Variants in SYT16 observed in about 807,000 individuals in gnomAD.
SYT16 encodes synaptotagmin-16.
Under a neutral mutation model 61.4 loss-of-function variants are expected in SYT16, and 42 were observed. That is an observed-to-expected ratio of 0.68 (90% CI 0.53 to 0.89). SYT16 has a LOEUF of 0.89. Among genes scored for constraint, SYT16 ranks in the 40% least tolerant of loss-of-function variants. The probability of loss-of-function intolerance (pLI) is 0.00; values close to 1 mark genes in which losing one functional copy is unlikely to be tolerated. For synonymous variants in SYT16, 314 were observed against 302.3 expected (o/e 1.04, Z -0.40); for missense variants, 804 against 807.3 (o/e 1.00, Z 0.05).
rs2057529002 is a variant in SYT16 at position 62,107,168 on chromosome 14, TCA to T, written c.*6465_*6466del. On this transcript the variant is annotated 3_prime_UTR_variant, in exon 8 of 8. Transcript: ENST00000683842. ...ATCTTTATAGGTTGGGCATGGTGGC[TCA>T]CACCTGTAATCCCAGAACTTTGGGA... The T allele has an allele frequency of 1.3e-5, 2 of 151,950 alleles. No individual in the cohort carries two copies. Among genetic ancestry groups the T allele is most frequent in the African/African-American group, 4.8e-5 (2 of 41,360 alleles). The allele number at this position is 151,950 out of a possible 1,614,324, so 9.4% of individuals were successfully genotyped here. A position where few individuals can be genotyped will look rare whatever the true frequency, so the allele number is the denominator to read the frequency against.
chr14:61,915,658 C>T (rs1211308111), intron 1 of SYT16, among the ~76,000 whole-genome samples: 1 of 152,088 alleles, frequency 6.6e-6, no homozygotes, highest in Non-Finnish European at 1.5e-5. Context: ...TGTTTTTGAA[C>T]AGATTTCTAC....
intron 3 of SYT16, among the ~76,000 whole-genome samples, chr14:61,999,825 G>C (rs908664541): frequency 6.6e-6 from 1 of 151,628 alleles, no homozygotes; most frequent in Admixed American, 6.6e-5. Context: ...TTATTTAAAA[G>C]TGTGTTGATT....
At chr14:61,951,183 G>C (rs1436709618) in intron 1 of SYT16, among the ~76,000 whole-genome samples, 1 of 152,134 alleles carries the variant, frequency 6.6e-6, no homozygotes, top group Admixed American at 6.5e-5. Context: ...TATATCTGTG[G>C]ACAGGTAACC....
At chr14:62,042,051 T>A (rs1408554407) in intron 3 of SYT16, among the ~76,000 whole-genome samples, 5 of 152,256 alleles carry the variant, frequency 3.3e-5, no homozygotes, top group Non-Finnish European at 7.3e-5. Context: ...AATATAGTAA[T>A]ATAAACTGTC....
intron 1 of SYT16, among the ~76,000 whole-genome samples, chr14:61,821,969 T>C (rs2045632723): frequency 6.6e-6 from 1 of 152,172 alleles, no homozygotes; most frequent in South Asian, 2.1e-4. Context: ...CAATAGGATA[T>C]ATCTATAAAA....
At chr14:62,056,571 CG>C in intron 3 of SYT16, among the ~76,000 whole-genome samples, 1 of 152,228 alleles carries the variant, frequency 6.6e-6, no homozygotes, top group African/African-American at 2.4e-5. Flanking sequence ...ATAAAGGCCC[CG>C]AGTAAAGTAA....
chr14:61,940,323 C>G (rs2050158250), intron 1 of SYT16, among the ~76,000 whole-genome samples: 1 of 151,882 alleles, frequency 6.6e-6, no homozygotes, highest in Admixed American at 6.6e-5. Flanking sequence ...TCTTGTTCCT[C>G]TCTCTTGATT....
chr14:62,030,395 G>T (rs1390039878), intron 3 of SYT16, among the ~76,000 whole-genome samples: 7 of 152,172 alleles, frequency 4.6e-5, no homozygotes, highest in Admixed American at 4.6e-4. Context: ...GATGTTATGC[G>T]ATGGATCCTC....
chr14:61,938,093 A>G (rs1247221616), intron 1 of SYT16, among the ~76,000 whole-genome samples: 1 of 150,942 alleles, frequency 6.6e-6, no homozygotes, highest in Non-Finnish European at 1.5e-5. Flanking sequence ...GAGGGATGAG[A>G]CCACATATCT....
intron 1 of SYT16, among the ~76,000 whole-genome samples, chr14:61,834,717 A>G (rs142520548): frequency 0.022 from 3,371 of 152,184 alleles, 116 homozygotes; most frequent in East Asian, 0.11. Flanking sequence ...GATTACAGAC[A>G]TGAGCCACTG....
intron 1 of SYT16, among the ~76,000 whole-genome samples, chr14:61,835,501 G>C (rs1566617225): frequency 6.6e-6 from 1 of 151,384 alleles, no homozygotes; most frequent in African/African-American, 2.4e-5. Context: ...CTCTTGATCT[G>C]CCCATCTTGG....
chr14:62,086,512 A>G (rs934435415), intron 7 of SYT16, among the ~76,000 whole-genome samples: 1 of 152,004 alleles, frequency 6.6e-6, no homozygotes, highest in Admixed American at 6.5e-5. Flanking sequence ...AAACAAACAA[A>G]CAAAAAATTG....
chr14:62,050,435 G>A (rs2055221527), intron 3 of SYT16, among the ~76,000 whole-genome samples: 2 of 152,010 alleles, frequency 1.3e-5, no homozygotes, highest in Admixed American at 1.3e-4. Context: ...CTTTAGCTCG[G>A]AGTAGTTTGA....
At chr14:61,889,535 G>A (rs1453207517) in intron 1 of SYT16, among the ~76,000 whole-genome samples, 2 of 151,984 alleles carry the variant, frequency 1.3e-5, no homozygotes, top group Non-Finnish European at 2.9e-5. Context: ...ATTAGTTCCT[G>A]CAAAAGCTGT....
chr14:62,080,790 G>A, intron 5 of SYT16, 44 bp from the exon 6 acceptor site: 7 of 1,541,986 alleles, frequency 4.5e-6, no homozygotes, highest in Non-Finnish European at 6.1e-6. Context: ...ATGTAATTGG[G>A]TATCATCATT....
chr14:61,870,355 G>A (rs1446532378), intron 1 of SYT16, among the ~76,000 whole-genome samples: 1 of 151,518 alleles, frequency 6.6e-6, no homozygotes, highest in Non-Finnish European at 1.5e-5. Context: ...CTGTTCCTTT[G>A]TATGTAATGT....
At chr14:62,076,393 A>C (rs2056496566) in intron 5 of SYT16, among the ~76,000 whole-genome samples, 1 of 152,090 alleles carries the variant, frequency 6.6e-6, no homozygotes, top group Admixed American at 6.6e-5. Flanking sequence ...AATAAACAGG[A>C]TGCATCTCTT....
intron 5 of SYT16, among the ~76,000 whole-genome samples, chr14:62,080,427 G>C (rs2056666721): frequency 6.6e-6 from 1 of 152,232 alleles, no homozygotes; most frequent in South Asian, 2.1e-4. Flanking sequence ...GTGGAGAACA[G>C]GCTCAGGCTC....
chr14:61,915,717 T>C (rs925005054), intron 1 of SYT16, among the ~76,000 whole-genome samples: 3 of 152,336 alleles, frequency 2.0e-5, no homozygotes, highest in Middle Eastern at 3.4e-3. Context: ...GGAAAATTGC[T>C]CCTGTGTGTT....
Sources: gnomAD v4.1 joint callset for allele counts (sites outside exome capture counted in the v4.1 genomes callset) on GRCh38, gnomAD v4.1.1 for gene constraint, MANE v1.5 for transcripts, NCBI Gene and HGNC (gene_info 2026-07-23, HGNC 2026-07-21) for gene names.